The following IFRD1 variants were observed in gnomAD, a reference collection of about 807,000 sequenced individuals.
IFRD1 encodes interferon related developmental regulator 1.
IFRD1 carries 35 observed loss-of-function variants against 52.9 expected under a neutral mutation model. The observed-to-expected ratio is 0.66, with a 90% CI of 0.51 to 0.88. IFRD1 has a LOEUF of 0.88. IFRD1 is among the 40% of genes least tolerant of loss of function. The probability of loss-of-function intolerance (pLI) is 0.00; values close to 1 mark genes in which losing one functional copy is unlikely to be tolerated. For synonymous variants in IFRD1, 184 were observed against 188.4 expected, an observed-to-expected ratio of 0.98 and a Z score of 0.19; for missense variants, 517 against 550.8, an observed-to-expected ratio of 0.94 and a Z score of 0.61.
intron 1 of IFRD1, among the ~76,000 whole-genome samples, chr7:112,431,052 C>T (rs1794536977): frequency 6.6e-6 from 1 of 152,128 alleles, no homozygotes; most frequent in African/African-American, 2.4e-5. Flanking sequence ...GATCCTAGAA[C>T]ATTTTCTGCT....
At chr7:112,463,684 T>C (rs184511603) in intron 8 of IFRD1, among the ~76,000 whole-genome samples, 136 of 152,270 alleles carry the variant, frequency 8.9e-4, no homozygotes, top group Non-Finnish European at 1.4e-3. Context: ...ATTCCTCTAC[T>C]GGCCAGAAAT....
chr7:112,450,707 C>A lies in IFRD1; in HGVS notation c.19C>A (p.Arg7=). The part of the protein sequence containing the change: MPKNKK[R]NTPHRGSSAG... Reference sequence around the variant, plus strand: ...TCCCACGATGCCGAAGAACAAGAAGCGGAACACTCCCCACCGCGGTAGCAG... The same window carrying A: ...TCCCACGATGCCGAAGAACAAGAAGAGGAACACTCCCCACCGCGGTAGCAG... The change falls in exon 1 of 12, where the codon CGG becomes AGG. Residue 7 remains arginine (R), a synonymous_variant. Coordinates refer to ENST00000403825, the MANE Select transcript of IFRD1 (RefSeq NM_001550.4). The A allele has an allele frequency of 6.2e-7, 1 of 1,612,868 alleles. No individual in the cohort carries two copies. The highest frequency in any genetic ancestry group is 8.5e-7 in the Non-Finnish European group (1 of 1,179,840).
At position 112,475,567 on chromosome 7, in the gene IFRD1, T is replaced by C. The variant is rs1384936438; in HGVS notation, c.*48T>C. ...TTTCTAATTTCTATTTTTTTTTCTA[T>C]TTCAATGTATTTAAACTCTAGACAC... On this transcript the variant is annotated 3_prime_UTR_variant, in exon 12 of 12. Transcript: ENST00000403825. 1 of 1,143,372 alleles carries C rather than the reference T, an allele frequency of 8.7e-7. No individual in the cohort carries two copies. Among genetic ancestry groups the C allele is most frequent in the South Asian group, 1.3e-5 (1 of 77,504 alleles). The allele number at this position is 1,143,372 out of a possible 1,614,324, so 70.8% of individuals were successfully genotyped here. A position where few individuals can be genotyped will look rare whatever the true frequency, so the allele number is the denominator to read the frequency against.
intron 1 of IFRD1, among the ~76,000 whole-genome samples, chr7:112,443,886 A>C (rs1794957495): frequency 6.6e-6 from 1 of 151,554 alleles, no homozygotes; most frequent in African/African-American, 2.4e-5. Context: ...AACCCAAAAA[A>C]CAAACACCAT....
At chr7:112,433,461 C>T (rs1339121664) in intron 1 of IFRD1, among the ~76,000 whole-genome samples, 1 of 152,234 alleles carries the variant, frequency 6.6e-6, no homozygotes, top group Non-Finnish European at 1.5e-5. Flanking sequence ...ACCTCAAGCA[C>T]TGCTTTTAGG....
rs1455498323 is a variant in IFRD1, at chr7:112,476,305, T to C, written c.*786T>C. On this transcript the variant is annotated 3_prime_UTR_variant, in exon 12 of 12. Coordinates refer to ENST00000403825, the MANE Select transcript of IFRD1 (RefSeq NM_001550.4). Reference sequence around the variant, plus strand: ...GCTTTATGTGTATATTTACAAACATTAAAGTAGATGAAAAGAATGTAGCAA... The same window carrying C: ...GCTTTATGTGTATATTTACAAACATCAAAGTAGATGAAAAGAATGTAGCAA... 6.6e-6 allele frequency: 1 copy of C among 152,192 alleles called. No individual in the cohort carries two copies. Among genetic ancestry groups the C allele is most frequent in the Non-Finnish European group, 1.5e-5 (1 of 68,018 alleles). 9.4% of individuals were successfully genotyped at this position (152,192 alleles called of 1,614,324 possible).
chr7:112,466,660 A>G (rs1247656941), intron 8 of IFRD1, among the ~76,000 whole-genome samples: 1 of 152,180 alleles, frequency 6.6e-6, no homozygotes, highest in Non-Finnish European at 1.5e-5. Flanking sequence ...AACAAATTAA[A>G]ATAATGTATA....
intron 11 of IFRD1, among the ~76,000 whole-genome samples, chr7:112,473,345 C>T (rs930125986): frequency 2.0e-5 from 3 of 151,778 alleles, no homozygotes; most frequent in African/African-American, 7.3e-5. Flanking sequence ...TAATAGCCTG[C>T]TAAGTGAAGT....
At chr7:112,468,530 C>T (rs1307176012) in intron 9 of IFRD1, among the ~76,000 whole-genome samples, 2 of 152,134 alleles carry the variant, frequency 1.3e-5, no homozygotes, top group South Asian at 4.1e-4. Flanking sequence ...GATGGAGTCT[C>T]GCTGTGTTGC....
chr7:112,455,895 C>T (rs1292548403), intron 2 of IFRD1, 28 bp downstream of exon 2: 5 of 1,532,990 alleles, frequency 3.3e-6, no homozygotes, highest in African/African-American at 1.4e-5. Context: ...AAATTTGCAA[C>T]TTTAGATAAA....
intron 1 of IFRD1, among the ~76,000 whole-genome samples, chr7:112,423,756 G>A (rs1794370785): frequency 6.6e-6 from 1 of 152,192 alleles, no homozygotes; most frequent in Non-Finnish European, 1.5e-5. Context: ...TGTGGCCATG[G>A]AGGGTCCCAC....
At chr7:112,440,127 A>C (rs1794837785) in intron 1 of IFRD1, among the ~76,000 whole-genome samples, 1 of 152,134 alleles carries the variant, frequency 6.6e-6, no homozygotes, top group Admixed American at 6.5e-5. Flanking sequence ...CTGGGACTAC[A>C]GGCGTTCGCC....
chr7:112,464,223 A>G (rs1432439382), intron 8 of IFRD1, among the ~76,000 whole-genome samples: 1 of 152,026 alleles, frequency 6.6e-6, no homozygotes, highest in Non-Finnish European at 1.5e-5. Context: ...TGATGTTACT[A>G]ACTTTGAAAT....
chr7:112,450,500 G>T lies in IFRD1; in HGVS notation c.-189G>T. 1 of 629,062 alleles carries T rather than the reference G, an allele frequency of 1.6e-6. No individual in the cohort carries two copies. Among genetic ancestry groups the T allele is most frequent in the Non-Finnish European group, 2.9e-6 (1 of 341,788 alleles). 39.0% of individuals were successfully genotyped at this position (629,062 alleles called of 1,614,324 possible). On this transcript the variant is annotated 5_prime_UTR_variant, in exon 1 of 12. Coordinates refer to ENST00000403825, the MANE Select transcript of IFRD1 (RefSeq NM_001550.4). ...CTAGAGAGAAACATGTATCGTTTTCGATCACAGCTCTTCACGGGGATTTCT... is the reference window on the plus strand; with the variant it reads ...CTAGAGAGAAACATGTATCGTTTTCTATCACAGCTCTTCACGGGGATTTCT...
rs145442757 is a variant in IFRD1 at position 112,433,796 on chromosome 7, T to C, written c.-182+10364T>C. ...TGTCATAATTTTCTCAGTTATAATT[T>C]TTGTAAAGGCAGTTTCACAACTAAA... is the stretch of plus-strand genomic sequence containing the variant. On this transcript the variant is annotated intron_variant, in intron 1 of 12. Coordinates refer to the IFRD1 transcript ENST00000005558. Among the ~76,000 whole-genome samples the C allele has an allele frequency of 5.1e-3, 776 of 152,256 alleles. 18 individuals carry two copies. The highest frequency in any genetic ancestry group is 0.048 in the East Asian group (249 of 5,176).
chr7:112,436,165 A>T (rs2117240201), intron 1 of IFRD1, among the ~76,000 whole-genome samples: 1 of 152,332 alleles, frequency 6.6e-6, no homozygotes, highest in Non-Finnish European at 1.5e-5. Flanking sequence ...TACAGGCGTG[A>T]GCCACCGTGC....
chr7:112,460,135 T>C (rs1294798855), intron 5 of IFRD1, among the ~76,000 whole-genome samples: 1 of 152,094 alleles, frequency 6.6e-6, no homozygotes, highest in Non-Finnish European at 1.5e-5. Flanking sequence ...TTTTTTGTCA[T>C]TTAAAGACTT....
intron 1 of IFRD1, among the ~76,000 whole-genome samples, chr7:112,424,694 C>A (rs1231903569): frequency 6.6e-6 from 1 of 152,102 alleles, no homozygotes; most frequent in Non-Finnish European, 1.5e-5. Flanking sequence ...GGATTGCAGG[C>A]CTGAGCCACC....
Position 112,455,793 on chromosome 7 carries a change from GTGA to G in IFRD1, c.129_131del (p.Asp43del). On this transcript the variant is annotated inframe_deletion, in exon 2 of 12. Transcript: ENST00000403825. ...CAGCATCGAAATGTTCAGCCTTTTA[GTGA>G]TGAAGATGCATCAATTGAAACAATG... The G allele has an allele frequency of 6.2e-7, 1 of 1,612,846 alleles. No homozygotes were observed. The highest frequency in any genetic ancestry group is 8.5e-7 in the Non-Finnish European group (1 of 1,178,938).
Sources: allele counts gnomAD v4.1 joint callset (sites outside exome capture counted in the v4.1 genomes callset), GRCh38; gene constraint gnomAD v4.1.1; transcripts MANE v1.5; gene names NCBI Gene and HGNC (gene_info 2026-07-23, HGNC 2026-07-21).